The following HELQ variants were observed in gnomAD, a reference collection of about 807,000 sequenced individuals.
The protein encoded by HELQ is helicase, POLQ like.
HELQ carries 77 observed loss-of-function variants against 111.6 expected under a neutral mutation model. The observed-to-expected ratio is 0.69, with a 90% confidence interval of 0.57 to 0.83. The LOEUF (loss-of-function observed/expected upper bound fraction) is 0.83. Among genes scored for constraint, HELQ ranks in the 40% least tolerant of loss-of-function variants. The pLI is 0.00. For missense variants in HELQ, 1,200 were observed against 1,288.5 expected, an observed-to-expected ratio of 0.93 and a Z score of 1.05; for synonymous variants, 438 against 454.7, an observed-to-expected ratio of 0.96 and a Z score of 0.47.
At chr4:83,433,560 G>A (rs902367425) in intron 9 of HELQ, among the ~76,000 whole-genome samples, 4 of 151,698 alleles carry the variant, frequency 2.6e-5, no homozygotes, top group African/African-American at 9.7e-5. Context: ...CAGCTACTCA[G>A]GAGGCTGAGG....
chr4:83,407,479 C>T lies in HELQ; in HGVS notation c.3280G>A (p.Val1094Met), dbSNP rs17006794. The T allele has an allele frequency of 6.0e-3, 9,648 of 1,607,490 alleles. 491 individuals are homozygous for T. The African/African-American group carries it at 0.11, about 18-fold the overall frequency. Reference protein sequence around the residue: ...LRLPSDFPGAVASSTDKA With the variant: ...LRLPSDFPGAMASSTDKA ...CATGCTTTGTCAGTGGAAGAAGCCA[C>T]AGCACCAGGGAAATCAGAAGGCAAT... The change falls in exon 18 of 18, where the codon GTG becomes ATG. Residue 1094 changes from valine to methionine, a missense_variant. By Grantham distance (21) the Val-to-Met change is conservative. Transcript: ENST00000295488.
intron 14 of HELQ, among the ~76,000 whole-genome samples, chr4:83,425,050 C>G (rs72944448): frequency 0.078 from 11,857 of 151,506 alleles, 1,550 homozygotes; most frequent in African/African-American, 0.27. Flanking sequence ...GAGAACGAGG[C>G]GGGTGGATCA....
At chr4:83,440,724 G>T (rs1243804398) in intron 7 of HELQ, among the ~76,000 whole-genome samples, 1 of 151,736 alleles carries the variant, frequency 6.6e-6, no homozygotes. Flanking sequence ...TTATTCTTTT[G>T]TTGTTGTTGT....
At chr4:83,432,046 T>A (rs2109988268) in intron 10 of HELQ, 80 bp downstream of exon 10, 1 of 876,774 alleles carries the variant, frequency 1.1e-6, no homozygotes, top group South Asian at 2.2e-5. Context: ...AATTAATTTT[T>A]AAAAGATGAT....
chr4:83,455,769 GACGCCGGAGCCC>G lies in HELQ; in HGVS notation c.-88_-77del. 1 of 1,405,414 alleles carries G rather than the reference GACGCCGGAGCCC, an allele frequency of 7.1e-7. No homozygotes were observed. The allele number at this position is 1,405,414 out of a possible 1,614,324, so 87.1% of individuals were successfully genotyped here. On this transcript the variant is annotated 5_prime_UTR_variant, in exon 1 of 18. Transcript: ENST00000295488. ...TAAGCCCATATGGAAGGGAGAGTGG[GACGCCGGAGCCC>G]GCTTCTACATCCACCTTGGGAAAAG...
chr4:83,430,743 CATT>C (rs1578082717), intron 11 of HELQ, among the ~76,000 whole-genome samples: 1 of 152,060 alleles, frequency 6.6e-6, no homozygotes, highest in African/African-American at 2.4e-5. Context: ...TAATAAAAAT[CATT>C]ATTAATATAG....
At chr4:83,421,785 G>C (rs551910131) in intron 14 of HELQ, 49 bp from the exon 15 acceptor site, 1 of 1,431,310 alleles carries the variant, frequency 7.0e-7, no homozygotes, top group African/African-American at 1.4e-5. Flanking sequence ...TGCTAAAAAT[G>C]TATGTTATTA....
chr4:83,454,540 G>A (rs1018161871), intron 1 of HELQ, among the ~76,000 whole-genome samples: 2 of 151,396 alleles, frequency 1.3e-5, no homozygotes, highest in African/African-American at 4.9e-5. Context: ...CTCCCAAGTA[G>A]CTAGGACTAC....
chr4:83,422,747 T>C (rs1719607542), intron 14 of HELQ, among the ~76,000 whole-genome samples: 2 of 152,194 alleles, frequency 1.3e-5, no homozygotes, highest in Non-Finnish European at 2.9e-5. Context: ...TAATTTGTTA[T>C]GGCGGTTGTA....
intron 3 of HELQ, among the ~76,000 whole-genome samples, chr4:83,447,473 A>G (rs1053405580): frequency 2.0e-5 from 3 of 152,248 alleles, no homozygotes; most frequent in East Asian, 1.9e-4. Flanking sequence ...CAGGCAAGAC[A>G]TACGTAAGAA....
Position 83,432,271 on chromosome 4 carries a change from T to C in HELQ, c.2049-4A>G. ...ATAGGGAGCTCTTAAAATAACTCTGTGGAATTAATGAAAAATGATACTCTA... is the reference window on the plus strand; with the variant it reads ...ATAGGGAGCTCTTAAAATAACTCTGCGGAATTAATGAAAAATGATACTCTA... On this transcript the variant is annotated splice_polypyrimidine_tract_variant and splice_region_variant and intron_variant, in intron 9 of 17. Transcript: ENST00000295488. The C allele has an allele frequency of 6.5e-7, 1 of 1,534,350 alleles. No homozygotes were observed. Among genetic ancestry groups the C allele is most frequent in the Non-Finnish European group, 8.8e-7 (1 of 1,142,428 alleles).
At position 83,414,956 on chromosome 4, in the gene HELQ, T is replaced by C. The variant is rs1047909735; in HGVS notation, c.3198+1775A>G. ...CAATCTTAGTGGTTTCATCTATAAA[T>C]TGGGGGTAACACTGACTTTGTCCAC... is the stretch of plus-strand genomic sequence containing the variant. On this transcript the variant is annotated intron_variant, in intron 17 of 17. Transcript: ENST00000295488. 2.0e-5 allele frequency among the ~76,000 whole-genome samples: 3 copies of C among 152,154 alleles called. No individual in the cohort carries two copies. In the South Asian group the frequency reaches 6.2e-4, roughly 32 times the overall value.
chr4:83,450,078 C>T (rs1434965557), intron 2 of HELQ, among the ~76,000 whole-genome samples: 1 of 151,624 alleles, frequency 6.6e-6, no homozygotes, highest in Non-Finnish European at 1.5e-5. Context: ...GCATATAAAA[C>T]ACAGCATTGT....
intron 15 of HELQ, among the ~76,000 whole-genome samples, chr4:83,419,161 A>AT (rs34131623): frequency 0.088 from 11,947 of 135,758 alleles, 1,681 homozygotes; most frequent in African/African-American, 0.3. Context: ...ACACCATGAG[A>AT]TTTTTTTTTT....
intron 6 of HELQ, among the ~76,000 whole-genome samples, chr4:83,442,392 C>A (rs1204431663): frequency 1.3e-5 from 2 of 150,732 alleles, no homozygotes; most frequent in Non-Finnish European, 2.9e-5. Context: ...CTCACCCTCT[C>A]AAGTAGCTGG....
At chr4:83,415,804 G>T (rs765484639) in intron 17 of HELQ, among the ~76,000 whole-genome samples, 5 of 151,676 alleles carry the variant, frequency 3.3e-5, no homozygotes, top group Non-Finnish European at 7.4e-5. Flanking sequence ...GGGCCACCAC[G>T]CCTGGCTAAT....
chr4:83,414,366 G>T (rs1255650630), intron 17 of HELQ, among the ~76,000 whole-genome samples: 2 of 152,220 alleles, frequency 1.3e-5, no homozygotes, highest in African/African-American at 4.8e-5. Flanking sequence ...CCACAGGGGT[G>T]CTGTGGGGTG....
In HELQ at chr4:83,416,506, G is replaced by A. The variant is rs1362130941; in HGVS notation, c.3198+225C>T. Among the ~76,000 whole-genome samples the A allele has an allele frequency of 3.3e-5, 5 of 152,154 alleles. No individual in the cohort carries two copies. The East Asian group carries it at 7.7e-4, about 23-fold the overall frequency. ...CAAAGAGCTGGGATTACAGGCATGA[G>A]CCACCACTGAAATTTTCTTTATTTT... is the stretch of plus-strand genomic sequence containing the variant. On this transcript the variant is annotated intron_variant, in intron 17 of 17. Transcript: ENST00000295488.
intron 13 of HELQ, among the ~76,000 whole-genome samples, chr4:83,426,580 T>C (rs1222197655): frequency 2.0e-5 from 3 of 150,956 alleles, no homozygotes; most frequent in Non-Finnish European, 4.4e-5. Context: ...TTGTTTTTTT[T>C]TTTGAGACAG....
Sources: gnomAD v4.1 joint callset for allele counts (sites outside exome capture counted in the v4.1 genomes callset) on GRCh38, gnomAD v4.1.1 for gene constraint, MANE v1.5 for transcripts, NCBI Gene and HGNC (gene_info 2026-07-23, HGNC 2026-07-21) for gene names.